The following DNAH14 variants were observed in gnomAD, a reference collection of about 807,000 sequenced individuals.
The protein encoded by DNAH14 is dynein axonemal heavy chain 14.
In DNAH14, 478 loss-of-function variants were observed where a neutral mutation model predicts 520.9. That is an observed-to-expected ratio of 0.92 (90% confidence interval 0.85 to 0.99). DNAH14 has a LOEUF of 0.99. Among genes scored for constraint, DNAH14 ranks in the 50% least tolerant of loss-of-function variants. The pLI, the probability that DNAH14 is intolerant of heterozygous loss-of-function variation, is 0.00. For synonymous variants in DNAH14, 1,581 were observed against 1,757.2 expected, an observed-to-expected ratio of 0.90 and a Z score of 2.51; for missense variants, 4,831 against 5,234.5, an observed-to-expected ratio of 0.92 and a Z score of 2.38.
chr1:224,984,350 T>C (rs1459623183), intron 8 of DNAH14, among the ~76,000 whole-genome samples: 2 of 151,998 alleles, frequency 1.3e-5, no homozygotes, highest in African/African-American at 4.8e-5. Context: ...TGTAGGAGAA[T>C]GAAACTGGAT....
chr1:225,040,464 T>A (rs2456336), intron 12 of DNAH14, among the ~76,000 whole-genome samples: 112,346 of 152,088 alleles, frequency 0.74, 44,379 homozygotes, highest in Non-Finnish European at 0.88. Flanking sequence ...ACAATGCATA[T>A]GTATTTTTTT....
intron 56 of DNAH14, among the ~76,000 whole-genome samples, chr1:225,301,554 G>C (rs1002331990): frequency 6.6e-6 from 1 of 152,142 alleles, no homozygotes; most frequent in Admixed American, 6.5e-5. Flanking sequence ...GAGAGATATA[G>C]ATTAGTCAAA....
chr1:224,983,419 C>T (rs183778436), intron 8 of DNAH14, among the ~76,000 whole-genome samples: 5 of 152,072 alleles, frequency 3.3e-5, no homozygotes, highest in African/African-American at 4.8e-5. Flanking sequence ...TAATAAAAGC[C>T]GTCTATGACA....
chr1:225,152,393 A>T (rs2080583852), intron 32 of DNAH14, among the ~76,000 whole-genome samples: 1 of 152,192 alleles, frequency 6.6e-6, no homozygotes, highest in Non-Finnish European at 1.5e-5. Flanking sequence ...GGAATAAGAC[A>T]ATAGTGATTG....
chr1:225,238,945 C>T (rs1271634339), intron 42 of DNAH14, among the ~76,000 whole-genome samples: 1 of 152,170 alleles, frequency 6.6e-6, no homozygotes, highest in Non-Finnish European at 1.5e-5. Context: ...CCCTCCTTGT[C>T]CTGACCACCT....
rs373908127 is a variant in DNAH14 at position 224,987,487 on chromosome 1, T to C, written c.830+13334T>C. On this transcript the variant is annotated intron_variant, in intron 8 of 85. Transcript: ENST00000682510. ...AAGAAGCATATTTGTCTTACGGGTC[T>C]GGAGGGCTGGGAAGTTTAAGAACTT... Among the ~76,000 whole-genome samples, 4 of 152,168 alleles carry C rather than the reference T, an allele frequency of 2.6e-5. No homozygotes were observed. In the East Asian group the frequency reaches 7.7e-4, roughly 29 times the overall value.
At chr1:225,366,936 T>G (rs2095559969) in intron 76 of DNAH14, among the ~76,000 whole-genome samples, 1 of 151,920 alleles carries the variant, frequency 6.6e-6, no homozygotes, top group African/African-American at 2.4e-5. Flanking sequence ...AGTCCTCCTC[T>G]TATGGTACAA....
At chr1:225,215,494 G>A (rs1377777640) in intron 41 of DNAH14, among the ~76,000 whole-genome samples, 3 of 152,146 alleles carry the variant, frequency 2.0e-5, no homozygotes, top group African/African-American at 7.2e-5. Context: ...TCTGTCTAAT[G>A]TTGACAGTGG....
At chr1:225,356,828 T>TAAAAAAAAAAAA (rs2095434799) in intron 73 of DNAH14, among the ~76,000 whole-genome samples, 2 of 152,180 alleles carry the variant, frequency 1.3e-5, no homozygotes, top group African/African-American at 2.4e-5. Flanking sequence ...CAAAAATAAC[T>TAAAAAAAAAAAA]AGACTTTAAA....
At chr1:225,257,112 A>G (rs1439265060) in intron 44 of DNAH14, among the ~76,000 whole-genome samples, 2 of 152,212 alleles carry the variant, frequency 1.3e-5, no homozygotes, top group Non-Finnish European at 2.9e-5. Context: ...ACTTTTCCAG[A>G]AATTATTATG....
intron 18 of DNAH14, among the ~76,000 whole-genome samples, chr1:225,079,891 T>A (rs192939182): frequency 8.6e-4 from 131 of 152,060 alleles, no homozygotes; most frequent in Admixed American, 7.9e-3. Context: ...GCCAAGATGG[T>A]CTCGATCTCC....
chr1:224,998,381 G>T (rs957474605), intron 8 of DNAH14, among the ~76,000 whole-genome samples: 2 of 151,780 alleles, frequency 1.3e-5, no homozygotes, highest in African/African-American at 2.4e-5. Flanking sequence ...TATTGATTTC[G>T]CAATGCCTCT....
intron 54 of DNAH14, among the ~76,000 whole-genome samples, chr1:225,287,295 G>T (rs11587822): frequency 0.13 from 20,129 of 152,130 alleles, 1,525 homozygotes; most frequent in East Asian, 0.33. Flanking sequence ...TGTTGCAAGT[G>T]TGTGACACAA....
intron 9 of DNAH14, among the ~76,000 whole-genome samples, chr1:225,003,568 A>G (rs1014863253): frequency 6.6e-6 from 1 of 152,084 alleles, no homozygotes; most frequent in African/African-American, 2.4e-5. Context: ...TGTTGACTGC[A>G]TGTAACAAGA....
chr1:224,985,610 C>A (rs1187291792), intron 8 of DNAH14, among the ~76,000 whole-genome samples: 1 of 151,988 alleles, frequency 6.6e-6, no homozygotes, highest in Non-Finnish European at 1.5e-5. Flanking sequence ...AATAACTTAT[C>A]AAAACATAGA....
chr1:225,249,535 G>T (rs1195226312), intron 43 of DNAH14, among the ~76,000 whole-genome samples: 1 of 152,136 alleles, frequency 6.6e-6, no homozygotes, highest in East Asian at 1.9e-4. Flanking sequence ...CCAGATGGTG[G>T]CCCAGGGAAG....
intron 60 of DNAH14, among the ~76,000 whole-genome samples, chr1:225,318,136 A>G (rs2094498171): frequency 6.6e-6 from 1 of 152,238 alleles, no homozygotes; most frequent in South Asian, 2.1e-4. Flanking sequence ...ATTGCAGTTC[A>G]AATGTCTTAC....
Position 225,335,381 on chromosome 1 carries a change from A to G in DNAH14, c.10080+1875A>G, listed in dbSNP as rs1176200365. On this transcript the variant is annotated intron_variant, in intron 66 of 85. Coordinates refer to ENST00000682510, the MANE Select transcript of DNAH14 (RefSeq NM_001367479.1). ...TATACACGTGTACATGTGTGTGTAT[A>G]TGCACATATACACATGTGTACATGT... Among the ~76,000 whole-genome samples the G allele has an allele frequency of 4.7e-3, 316 of 66,540 alleles. 36 individuals carry two copies. The highest frequency in any genetic ancestry group is 0.015 in the Middle Eastern group (3 of 194). 43.7% of individuals were successfully genotyped at this position (66,540 alleles called of 152,430 possible).
intron 74 of DNAH14, among the ~76,000 whole-genome samples, chr1:225,359,603 T>C (rs1364733956): frequency 6.6e-6 from 1 of 152,240 alleles, no homozygotes; most frequent in African/African-American, 2.4e-5. Context: ...AAACCTTATC[T>C]GGAGTGCCTC....
Sources: gnomAD v4.1 joint callset for allele counts (sites outside exome capture counted in the v4.1 genomes callset) on GRCh38, gnomAD v4.1.1 for gene constraint, MANE v1.5 for transcripts, NCBI Gene and HGNC (gene_info 2026-07-23, HGNC 2026-07-21) for gene names.